Variants in TBC1D32 observed in about 807,000 individuals in gnomAD.
TBC1D32 encodes protein broad-minded.
Under a neutral mutation model 170.3 loss-of-function variants are expected in TBC1D32, and 151 were observed. The ratio of observed to expected loss-of-function variants is 0.89; its 90% CI spans 0.78 to 1.01. The LOEUF (loss-of-function observed/expected upper bound fraction) is 1.01, where lower values mean the gene tolerates loss of function less well. Among genes scored for constraint, TBC1D32 ranks in the 50% least tolerant of loss-of-function variants. The probability of loss-of-function intolerance (pLI) is 0.00; values close to 1 mark genes in which losing one functional copy is unlikely to be tolerated. For synonymous variants in TBC1D32, 498 were observed against 488.0 expected, an observed-to-expected ratio of 1.02 and a Z score of -0.27; for missense variants, 1,464 against 1,457.1, an observed-to-expected ratio of 1.00 and a Z score of -0.08.
intron 12 of TBC1D32, among the ~76,000 whole-genome samples, chr6:121,288,847 A>T (rs1260298622): frequency 6.6e-6 from 1 of 152,174 alleles, no homozygotes; most frequent in Non-Finnish European, 1.5e-5. Flanking sequence ...GGCTGGTTCA[A>T]CATACACAAA....
intron 22 of TBC1D32, among the ~76,000 whole-genome samples, chr6:121,198,178 T>C (rs1255513950): frequency 1.4e-5 from 2 of 141,050 alleles, no homozygotes; most frequent in Non-Finnish European, 3.1e-5. Context: ...TATACACATA[T>C]CCCTTTGTGT....
intron 25 of TBC1D32, chr6:121,129,807 C>T (rs1174140563): frequency 1.3e-5 from 5 of 374,388 alleles, no homozygotes; most frequent in Non-Finnish European, 2.6e-5. Context: ...TTTCTCCTTT[C>T]AATGATTGAG....
At chr6:121,293,446 G>C (rs1217575168) in intron 11 of TBC1D32, among the ~76,000 whole-genome samples, 1 of 151,980 alleles carries the variant, frequency 6.6e-6, no homozygotes, top group African/African-American at 2.4e-5. Flanking sequence ...ATTCACCTGA[G>C]AATGAAGAAA....
chr6:121,175,885 A>T (rs972174390), intron 22 of TBC1D32, among the ~76,000 whole-genome samples: 1 of 152,238 alleles, frequency 6.6e-6, no homozygotes, highest in East Asian at 1.9e-4. Context: ...GCAAAAGGAG[A>T]TAGAATGTTC....
intron 17 of TBC1D32, among the ~76,000 whole-genome samples, chr6:121,250,185 T>C (rs973576318): frequency 2.0e-5 from 3 of 152,062 alleles, no homozygotes; most frequent in African/African-American, 7.2e-5. Flanking sequence ...CCATTCCTTC[T>C]GCAATATTCC....
chr6:121,200,875 G>T (rs1791457949), intron 22 of TBC1D32, among the ~76,000 whole-genome samples: 1 of 151,328 alleles, frequency 6.6e-6, no homozygotes, highest in Non-Finnish European at 1.5e-5. Context: ...TGTCCTTGAG[G>T]GAGATAAGGA....
chr6:121,288,070 C>T (rs1043519327), intron 12 of TBC1D32, among the ~76,000 whole-genome samples: 5 of 152,040 alleles, frequency 3.3e-5, no homozygotes, highest in East Asian at 1.9e-4. Context: ...AAAATTGACA[C>T]CCTAACATCA....
At chr6:121,240,357 ATT>A (rs35946120) in intron 19 of TBC1D32, among the ~76,000 whole-genome samples, 38 of 75,298 alleles carry the variant, frequency 5.0e-4, no homozygotes, top group Non-Finnish European at 7.8e-4. Flanking sequence ...GTTTAGGACA[ATT>A]TTTTTTTTTT....
chr6:121,276,833 A>C (rs568316367), intron 15 of TBC1D32, among the ~76,000 whole-genome samples: 7 of 152,312 alleles, frequency 4.6e-5, no homozygotes, highest in Admixed American at 1.3e-4. Flanking sequence ...ATAACAATAA[A>C]GGGGTCAATT....
chr6:121,125,489 T>G lies in TBC1D32; in HGVS notation c.2983+889A>C, dbSNP rs144727187. The stretch of plus-strand genomic sequence containing the variant: ...GTAGGAAGGAGGCTGATAGGCTATC[T>G]CGTTGGCTCAGACAGGGATGTGTAA... On this transcript the variant is annotated intron_variant, in intron 26 of 31. Transcript: ENST00000398212. Among the ~76,000 whole-genome samples the G allele has an allele frequency of 5.7e-3, 863 of 151,878 alleles. 8 individuals carry two copies. Among genetic ancestry groups the G allele is most frequent in the Non-Finnish European group, 6.2e-3 (424 of 67,938 alleles).
At chr6:121,196,673 T>C (rs1260504519) in intron 22 of TBC1D32, among the ~76,000 whole-genome samples, 1 of 152,186 alleles carries the variant, frequency 6.6e-6, no homozygotes, top group East Asian at 1.9e-4. Context: ...CTTACAATGT[T>C]CCTCATCATC....
At chr6:121,100,167 G>A (rs895638511) in intron 30 of TBC1D32, among the ~76,000 whole-genome samples, 5 of 151,968 alleles carry the variant, frequency 3.3e-5, no homozygotes, top group African/African-American at 1.2e-4. Context: ...TACATTTGCT[G>A]AAGAGTGCTT....
At chr6:121,279,336 T>C in intron 14 of TBC1D32, 91 bp from the exon 15 acceptor site, 2 of 1,383,938 alleles carry the variant, frequency 1.4e-6, no homozygotes, top group Non-Finnish European at 2.0e-6. Context: ...TAAGTAGTCT[T>C]ATAAAGTTAT....
chr6:121,236,892 T>C (rs576796004), intron 20 of TBC1D32: 3 of 152,166 alleles, frequency 2.0e-5, no homozygotes, highest in Non-Finnish European at 2.9e-5. Flanking sequence ...CTATGTATCA[T>C]AATTTTGTTT....
chr6:121,135,529 GGTTTTGCT>G (rs1781958424), intron 24 of TBC1D32, among the ~76,000 whole-genome samples: 1 of 152,084 alleles, frequency 6.6e-6, no homozygotes. Flanking sequence ...TCTTCCTGGA[GGTTTTGCT>G]GAATTAAGGA....
intron 3 of TBC1D32, among the ~76,000 whole-genome samples, chr6:121,313,134 G>C (rs1373576571): frequency 7.0e-6 from 1 of 141,910 alleles, no homozygotes; most frequent in African/African-American, 2.5e-5. Flanking sequence ...GTGTGTGTGT[G>C]TGTGTGTGTG....
chr6:121,319,856 T>C (rs780021499), intron 2 of TBC1D32, among the ~76,000 whole-genome samples: 5 of 152,088 alleles, frequency 3.3e-5, no homozygotes, highest in Non-Finnish European at 7.4e-5. Context: ...CATTGCAGTT[T>C]TGAAAAGACT....
At chr6:121,251,010 T>C (rs1380395475) in intron 17 of TBC1D32, among the ~76,000 whole-genome samples, 1 of 151,838 alleles carries the variant, frequency 6.6e-6, no homozygotes, top group Non-Finnish European at 1.5e-5. Context: ...TACCTAGGAA[T>C]ACAACTTACA....
chr6:121,160,157 AT>A (rs748084355), intron 23 of TBC1D32, 54 bp from the exon 24 acceptor site: 48 of 1,125,308 alleles, frequency 4.3e-5, no homozygotes, highest in Middle Eastern at 2.1e-4. Context: ...ATAATATTGA[AT>A]TTTAAAGCTA....
Sources: allele counts gnomAD v4.1 joint callset (sites outside exome capture counted in the v4.1 genomes callset), GRCh38; gene constraint gnomAD v4.1.1; transcripts MANE v1.5; gene names NCBI Gene and HGNC (gene_info 2026-07-23, HGNC 2026-07-21).